Variants in ABCB8 observed in about 807,000 individuals in gnomAD.
ABCB8 encodes mitochondrial potassium channel ATP-binding subunit.
Under a neutral mutation model 73.0 loss-of-function variants are expected in ABCB8, and 52 were observed. That is an observed-to-expected ratio of 0.71 (90% CI 0.57 to 0.90). The LOEUF is 0.90. Ranked by LOEUF, ABCB8 falls within the 40% of genes least tolerant of loss-of-function variation. The pLI is 0.00. For missense variants in ABCB8, 909 were observed against 974.6 expected (o/e 0.93, Z 0.90); for synonymous variants, 428 against 423.5 (o/e 1.01, Z -0.13).
chr7:151,034,897 C>A (rs1327687095), intron 5 of ABCB8, 68 bp downstream of exon 5: 2 of 1,403,778 alleles, frequency 1.4e-6, no homozygotes, highest in Non-Finnish European at 9.9e-7. Context: ...CCAGGCCAGC[C>A]CTGCCCGCCC....
intron 14 of ABCB8, among the ~76,000 whole-genome samples, chr7:151,043,142 C>T (rs1400747492): frequency 1.3e-5 from 2 of 152,258 alleles, no homozygotes; most frequent in South Asian, 2.1e-4. Context: ...ATGTTCCCCA[C>T]AGCCACAGAG....
intron 1 of ABCB8, chr7:151,031,369 G>T (rs904487004): frequency 3.6e-5 from 55 of 1,508,234 alleles, no homozygotes; most frequent in Non-Finnish European, 4.5e-5. Flanking sequence ...TTGGAATGGG[G>T]TGGGAGAAGG....
chr7:151,035,930 A>G lies in ABCB8; in HGVS notation c.976A>G (p.Thr326Ala), dbSNP rs1796294554. The G allele has an allele frequency of 6.2e-7, 1 of 1,613,758 alleles. No individual in the cohort carries two copies. Among genetic ancestry groups the G allele is most frequent in the Admixed American group, 1.7e-5 (1 of 60,014 alleles). ...AGACGAGGCCCTGGGCAATGTGCGG[A>G]CTGTGCGTGCCTTCGCCATGGAGCA... is the stretch of plus-strand genomic sequence containing the variant. ...VADEALGNVR[T>A]VRAFAMEQRE... Residue 326 changes from threonine to alanine, a missense_variant, in exon 7 of 16, where the codon ACT becomes GCT. Physicochemically the swap from Thr to Ala is moderately conservative, Grantham distance 58 (BLOSUM62 0). Transcript: ENST00000358849.
At chr7:151,045,061 A>T (rs1796578509) in intron 15 of ABCB8, 148 bp from the exon 16 acceptor site, 1 of 984,618 alleles carries the variant, frequency 1.0e-6, no homozygotes, top group Admixed American at 3.1e-5. Flanking sequence ...TTCCTTTCAG[A>T]TTGGGCATTG....
chr7:151,034,285 G>A lies in ABCB8; in HGVS notation c.421G>A (p.Ala141Thr), dbSNP rs1584948459. The part of the protein sequence containing the change: ...LGVAVVLALG[A>T]ALVNVQIPLL... The stretch of plus-strand genomic sequence containing the variant: ...CTCCCCATTCCAGCTGGCCTTGGGT[G>A]CGGCACTCGTGAATGTACAGATCCC... The change falls in exon 3 of 16, where the codon GCG (alanine) becomes ACG (threonine). Residue 141 changes from alanine to threonine, a missense_variant. Transcript: ENST00000358849. 1 of 1,612,866 alleles carries A rather than the reference G, an allele frequency of 6.2e-7. No individual in the cohort carries two copies. Among genetic ancestry groups the A allele is most frequent in the Non-Finnish European group, 8.5e-7 (1 of 1,179,690 alleles).
At chr7:151,040,347 C>A in intron 10 of ABCB8, 46 bp downstream of exon 10, 1 of 1,606,736 alleles carries the variant, frequency 6.2e-7, no homozygotes, top group Non-Finnish European at 8.5e-7. Flanking sequence ...GAGTTTGTGC[C>A]GTGTGTGCCG....
chr7:151,040,768 G>A (rs1416496471), intron 11 of ABCB8, 60 bp from the exon 12 acceptor site: 1 of 1,595,116 alleles, frequency 6.3e-7, no homozygotes, highest in Non-Finnish European at 8.5e-7. Flanking sequence ...ACTTCAGGAG[G>A]GACCCGGGCA....
intron 13 of ABCB8, 24 bp from the exon 14 acceptor site, chr7:151,041,937 G>A (rs1796477497): frequency 1.2e-6 from 2 of 1,609,438 alleles, no homozygotes; most frequent in African/African-American, 2.7e-5. Flanking sequence ...TATGGACTCT[G>A]TCTCCATAAC....
rs77744522 is a variant in ABCB8, at chr7:151,041,831, G to A, written c.1618-130G>A. 1,194 of 1,190,892 alleles carry A rather than the reference G, an allele frequency of 1.0e-3. 20 individuals carry two copies. The East Asian group carries it at 0.022, about 22-fold the overall frequency. The allele number at this position is 1,190,892 out of a possible 1,614,324, so 73.8% of individuals were successfully genotyped here. A position where few individuals can be genotyped will look rare whatever the true frequency, so the allele number is the denominator to read the frequency against. ...CCTCACTTCACCTCTGACTTTGAAC[G>A]TCTGATTCTTCAAGAGATCCTAATC... On this transcript the variant is annotated intron_variant, in intron 13 of 15. Coordinates refer to ENST00000358849, the MANE Select transcript of ABCB8 (RefSeq NM_007188.5).
rs764067964 is a variant in ABCB8, at chr7:151,028,485, T to C, written c.-31T>C. 8.8e-6 allele frequency: 14 copies of C among 1,599,372 alleles called. No homozygotes were observed. In the South Asian group the frequency reaches 1.5e-4, roughly 17 times the overall value. On this transcript the variant is annotated 5_prime_UTR_variant, in exon 1 of 16. Coordinates refer to ENST00000358849, the MANE Select transcript of ABCB8 (RefSeq NM_007188.5). ...CAGTGGGATGAGGGTGAAACTGCTA[T>C]TGCCGGCGGCTCCTGTTTTACCGCG...
At position 151,045,312 on chromosome 7, in the gene ABCB8, A is replaced by C. The variant is rs1796585744; in HGVS notation, c.2120A>C (p.Lys707Thr). The C allele has an allele frequency of 6.3e-7, 1 of 1,597,426 alleles. No individual in the cohort carries two copies. Among genetic ancestry groups the C allele is most frequent in the Admixed American group, 1.7e-5 (1 of 57,776 alleles). The change falls in exon 16 of 16, where the codon AAG (lysine) becomes ACG (threonine). Residue 707 changes from lysine to threonine, a missense_variant. Coordinates refer to ENST00000358849, the MANE Select transcript of ABCB8 (RefSeq NM_007188.5). ...APRTAAPPPK[K>T]PEGPRSHQHK... is the part of the protein sequence containing the mutation. ...AGGACAGCGGCCCCACCGCCCAAAA[A>C]GCCAGAAGGCCCCAGGAGCCACCAG...
chr7:151,039,969 G>C (rs981384400), intron 9 of ABCB8: 5 of 397,394 alleles, frequency 1.3e-5, no homozygotes, highest in Admixed American at 4.5e-5. Flanking sequence ...CAGGGCACTG[G>C]AGGACACCCA....
chr7:151,036,649 G>A lies in ABCB8; in HGVS notation c.1217G>A (p.Arg406Lys), dbSNP rs766389258. Residue 406 changes from arginine (R) to lysine (K), a missense_variant and splice_region_variant, in exon 9 of 16, where the codon AGG becomes AAG. Arg to Lys is a conservative substitution (Grantham distance 26, BLOSUM62 2). Transcript: ENST00000358849. ...CTGGTGGCCTCCCAGACAGTGCAAAGGTAAGTGGGGGCCGTTCCCATTGCT... is the reference window on the plus strand; with the variant it reads ...CTGGTGGCCTCCCAGACAGTGCAAAAGTAAGTGGGGGCCGTTCCCATTGCT... ...SFLVASQTVQ[R>K]SMANLSVLFG... The A allele has an allele frequency of 6.2e-6, 10 of 1,600,510 alleles. No individual in the cohort carries two copies. Among genetic ancestry groups the A allele is most frequent in the Non-Finnish European group, 7.7e-6 (9 of 1,171,666 alleles).
Position 151,036,109 on chromosome 7 carries a change from G to A in ABCB8, c.1050G>A (p.Arg350=), listed in dbSNP as rs751033196. ...YGAELEACRC[R]AEELGRGIAL... ...CAGAGCTGGAAGCCTGCCGCTGCCGGGCAGAGGAGCTGGGCCGCGGCATCG... is the reference window on the plus strand; with the variant it reads ...CAGAGCTGGAAGCCTGCCGCTGCCGAGCAGAGGAGCTGGGCCGCGGCATCG... Residue 350 remains arginine (R), a synonymous_variant, in exon 8 of 16, where the codon CGG becomes CGA. Coordinates refer to ENST00000358849, the MANE Select transcript of ABCB8 (RefSeq NM_007188.5). The A allele has an allele frequency of 6.2e-7, 1 of 1,613,536 alleles. No homozygotes were observed. The highest frequency in any genetic ancestry group is 2.2e-5 in the East Asian group (1 of 44,880).
At chr7:151,028,729 C>T in intron 1 of ABCB8, 119 bp downstream of exon 1, 4 of 1,540,538 alleles carry the variant, frequency 2.6e-6, no homozygotes, top group Non-Finnish European at 2.6e-6. Context: ...GTAGGCCAGG[C>T]CTACCGGGGT....
chr7:151,043,820 G>A (rs1439464072), intron 14 of ABCB8, 151 bp from the exon 15 acceptor site: 36 of 1,097,920 alleles, frequency 3.3e-5, no homozygotes, highest in South Asian at 4.5e-5. Context: ...TGCACAGTGC[G>A]GGGTGGGGGT....
chr7:151,032,254 G>A (rs527347412), intron 1 of ABCB8, among the ~76,000 whole-genome samples: 4 of 152,202 alleles, frequency 2.6e-5, no homozygotes, highest in South Asian at 2.1e-4. Flanking sequence ...GGAGAAGGAG[G>A]AGCAGGGCTT....
chr7:151,028,611 G>GT lies in ABCB8; in HGVS notation c.95+2dup, dbSNP rs1432648232. The GT allele has an allele frequency of 1.9e-6, 3 of 1,613,118 alleles. No homozygotes were observed. The African/African-American group carries it at 4.0e-5, about 22-fold the overall frequency. ...GCTTCCAGACATTCTCAGCTGTCAGGTAAAAACGGAAAAACCTACTCAGAG... is the reference window on the plus strand; with the variant it reads ...GCTTCCAGACATTCTCAGCTGTCAGGTTAAAAACGGAAAAACCTACTCAGAG... On this transcript the variant is annotated splice_donor_variant, in intron 1 of 15. Coordinates refer to ENST00000358849, the MANE Select transcript of ABCB8 (RefSeq NM_007188.5). LOFTEE classifies it high-confidence loss of function.
rs564580952 is a variant in ABCB8 at position 151,035,684 on chromosome 7, G to A, written c.869G>A (p.Gly290Glu). The A allele has an allele frequency of 2.5e-6, 4 of 1,613,646 alleles. No individual in the cohort carries two copies. The African/African-American group carries it at 4.0e-5, about 16-fold the overall frequency. Residue 290 changes from glycine (G) to glutamate (E), a missense_variant, in exon 6 of 16, where the codon GGA becomes GAA. By Grantham distance (98) the Gly-to-Glu change is moderately conservative. Transcript: ENST00000358849. ...LLMVATPALM[G>E]VGTLMGSGLR... ...ATGGTGGCCACACCAGCCCTGATGG[G>A]AGTGGGCACCCTGATGGGCTCAGGC...
Sources: allele counts gnomAD v4.1 joint callset (sites outside exome capture counted in the v4.1 genomes callset), GRCh38; gene constraint gnomAD v4.1.1; transcripts MANE v1.5; gene names NCBI Gene and HGNC (gene_info 2026-07-23, HGNC 2026-07-21).